CFAP54: variants seen among roughly 807,000 people sequenced by gnomAD.
CFAP54 encodes cilia and flagella associated protein 54, also known as cilia- and flagella-associated protein 54.
CFAP54 carries 290 observed loss-of-function variants against 370.4 expected under a neutral mutation model. The ratio of observed to expected loss-of-function variants is 0.78; its 90% CI spans 0.71 to 0.86. CFAP54 has a LOEUF of 0.86. Among genes scored for constraint, CFAP54 ranks in the 40% least tolerant of loss-of-function variants. The pLI, the probability that CFAP54 is intolerant of heterozygous loss-of-function variation, is 0.00. For missense variants in CFAP54, 3,399 were observed against 3,528.7 expected (o/e 0.96, Z 0.93); for synonymous variants, 1,206 against 1,236.5 (o/e 0.98, Z 0.52).
At chr12:96,753,134 C>T (rs7958107) in intron 55 of CFAP54, among the ~76,000 whole-genome samples, 51,296 of 152,032 alleles carry the variant, frequency 0.34, 9,214 homozygotes, top group East Asian at 0.58. Flanking sequence ...AAATGTCTGC[C>T]TGTCTGGCTC....
chr12:96,736,548 G>A (rs959054814), intron 50 of CFAP54, among the ~76,000 whole-genome samples: 1 of 152,178 alleles, frequency 6.6e-6, no homozygotes, highest in Non-Finnish European at 1.5e-5. Flanking sequence ...GATGTTTGAT[G>A]CTTTTCTTAG....
intron 33 of CFAP54, chr12:96,646,386 A>G (rs991449361): frequency 3.9e-5 from 6 of 152,204 alleles, no homozygotes; most frequent in African/African-American, 1.4e-4. Context: ...TGCAAATCAA[A>G]ACCACAATGA....
At chr12:96,583,595 ATTACT>A (rs1340529244) in intron 22 of CFAP54, among the ~76,000 whole-genome samples, 3 of 152,220 alleles carry the variant, frequency 2.0e-5, no homozygotes, top group Non-Finnish European at 4.4e-5. Context: ...AGGTAGTATG[ATTACT>A]TTTCTTTTAT....
chr12:96,755,044 TG>T lies in CFAP54; in HGVS notation c.7840+1147del, dbSNP rs369060472. Among the ~76,000 whole-genome samples the T allele has an allele frequency of 2.0e-3, 298 of 152,262 alleles. 5 individuals carry two copies. The South Asian group carries it at 0.026, about 13-fold the overall frequency. ...CAAGCATGAGCCACCAGGCCCAGCCTGCTAATGCCTATATTTGAAGGCTGCA... is the reference window on the plus strand; with the variant it reads ...CAAGCATGAGCCACCAGGCCCAGCCTCTAATGCCTATATTTGAAGGCTGCA... On this transcript the variant is annotated intron_variant, in intron 56 of 67. Transcript: ENST00000524981.
chr12:96,830,345 C>T (rs1252368200), intron 66 of CFAP54, among the ~76,000 whole-genome samples: 1 of 152,144 alleles, frequency 6.6e-6, no homozygotes. Context: ...AATTTCTCTG[C>T]ATTCTCTCCA....
At chr12:96,722,337 T>C (rs1339658802) in intron 50 of CFAP54, among the ~76,000 whole-genome samples, 4 of 152,202 alleles carry the variant, frequency 2.6e-5, no homozygotes, top group Non-Finnish European at 5.9e-5. Context: ...GCAGGCTTCA[T>C]TGATGAGGTG....
chr12:96,758,343 C>A (rs995504017), intron 58 of CFAP54, among the ~76,000 whole-genome samples: 1 of 152,068 alleles, frequency 6.6e-6, no homozygotes, highest in East Asian at 1.9e-4. Flanking sequence ...GGAGGCCTCA[C>A]AATCATGGTG....
At chr12:96,541,570 G>A (rs1955573152) in intron 14 of CFAP54, among the ~76,000 whole-genome samples, 1 of 152,098 alleles carries the variant, frequency 6.6e-6, no homozygotes, top group Admixed American at 6.5e-5. Flanking sequence ...ACAGATGTGA[G>A]CCACTGCACC....
At chr12:96,835,543 T>C (rs1262264912) in intron 66 of CFAP54, among the ~76,000 whole-genome samples, 1 of 152,160 alleles carries the variant, frequency 6.6e-6, no homozygotes, top group Non-Finnish European at 1.5e-5. Flanking sequence ...CCTGCTGCCA[T>C]TCATTACATG....
chr12:96,530,311 G>A (rs1007019749), intron 9 of CFAP54, among the ~76,000 whole-genome samples: 6 of 152,174 alleles, frequency 3.9e-5, no homozygotes, highest in East Asian at 3.8e-4. Context: ...CTAACATGGC[G>A]AAACTCTGTC....
chr12:96,748,446 C>T (rs575780811), intron 55 of CFAP54, among the ~76,000 whole-genome samples: 29 of 152,142 alleles, frequency 1.9e-4, no homozygotes, highest in African/African-American at 7.0e-4. Flanking sequence ...TCTTTTCGTT[C>T]ATCTTCAAAG....
Position 96,756,534 on chromosome 12 carries a change from A to G in CFAP54, c.7917A>G (p.Gln2639=), listed in dbSNP as rs748101321. The part of the protein sequence containing the change: ...FQLESLYEAI[Q]LSLKNDQNSG... Reference sequence around the variant, plus strand: ...TTGAGAGTTTATATGAAGCTATACAACTAAGCCTGAAAAATGATCAAAACT... The same window carrying G: ...TTGAGAGTTTATATGAAGCTATACAGCTAAGCCTGAAAAATGATCAAAACT... The change falls in exon 57 of 68, where the codon CAA becomes CAG. Residue 2639 remains glutamine, a synonymous_variant. Coordinates refer to ENST00000524981, the MANE Select transcript of CFAP54 (RefSeq NM_001306084.2). The G allele has an allele frequency of 1.9e-6, 3 of 1,605,214 alleles. No homozygotes were observed. Among genetic ancestry groups the G allele is most frequent in the Admixed American group, 1.7e-5 (1 of 58,822 alleles).
chr12:96,663,983 C>T (rs1301734532), intron 39 of CFAP54, 51 bp downstream of exon 39: 8 of 1,340,148 alleles, frequency 6.0e-6, no homozygotes, highest in Middle Eastern at 1.8e-4. Flanking sequence ...TCGAGGTTTG[C>T]CATTGTGTTC....
intron 6 of CFAP54, among the ~76,000 whole-genome samples, chr12:96,521,503 C>CGT (rs10554608): frequency 0.038 from 4,867 of 129,576 alleles, 108 homozygotes; most frequent in South Asian, 0.048. Flanking sequence ...CAACTGAGGA[C>CGT]GTGTGTGTGT....
At chr12:96,823,387 T>C (rs1959054600) in intron 65 of CFAP54, among the ~76,000 whole-genome samples, 1 of 152,186 alleles carries the variant, frequency 6.6e-6, no homozygotes, top group South Asian at 2.1e-4. Flanking sequence ...TAACTGAACC[T>C]TAGTGCTTCC....
intron 45 of CFAP54, 108 bp from the exon 46 acceptor site, chr12:96,699,863 A>T: frequency 1.1e-6 from 1 of 890,746 alleles, no homozygotes; most frequent in Non-Finnish European, 1.7e-6. Context: ...TACCAACATT[A>T]AGCAGAAACT....
At chr12:96,840,328 C>A (rs1959204109) in intron 66 of CFAP54, among the ~76,000 whole-genome samples, 1 of 152,102 alleles carries the variant, frequency 6.6e-6, no homozygotes, top group Non-Finnish European at 1.5e-5. Flanking sequence ...CTTGCATGTA[C>A]CCTATTGATG....
At chr12:96,681,124 C>CA (rs1957265509) in intron 40 of CFAP54, among the ~76,000 whole-genome samples, 1 of 151,744 alleles carries the variant, frequency 6.6e-6, no homozygotes, top group South Asian at 2.1e-4. Flanking sequence ...CCCCCCCACA[C>CA]ACACACACAA....
At chr12:96,589,690 T>C in intron 23 of CFAP54, 127 bp downstream of exon 23, 1 of 631,792 alleles carries the variant, frequency 1.6e-6, no homozygotes, top group Non-Finnish European at 2.7e-6. Flanking sequence ...TTCTAATAAC[T>C]ATTGTAATAA....
Sources: gnomAD v4.1 joint callset for allele counts (sites outside exome capture counted in the v4.1 genomes callset) on GRCh38, gnomAD v4.1.1 for gene constraint, MANE v1.5 for transcripts, NCBI Gene and HGNC (gene_info 2026-07-23, HGNC 2026-07-21) for gene names.